SNX2: variants seen among roughly 807,000 people sequenced by gnomAD.
SNX2 encodes sorting nexin-2.
In SNX2, 25 loss-of-function variants were observed where a neutral mutation model predicts 69.9. That is an observed-to-expected ratio of 0.36 (90% CI 0.26 to 0.50). SNX2 has a LOEUF of 0.50. Ranked by LOEUF, SNX2 falls within the 20% of genes least tolerant of loss-of-function variation. SNX2 has a pLI of 0.97. For missense variants in SNX2, 551 were observed against 613.3 expected (o/e 0.90, Z 1.07); for synonymous variants, 229 against 200.4 (o/e 1.14, Z -1.20).
intron 8 of SNX2, 147 bp from the exon 9 acceptor site, chr5:122,816,768 A>C: frequency 2.2e-6 from 1 of 461,886 alleles, no homozygotes; most frequent in Admixed American, 4.0e-5. Context: ...CTCACTATTG[A>C]AATGTATGAG....
Position 122,826,097 on chromosome 5 carries a change from T to G in SNX2, c.1260T>G (p.Ala420=). 6.2e-7 allele frequency: 1 copy of G among 1,613,262 alleles called. No individual in the cohort carries two copies. Among genetic ancestry groups the G allele is most frequent in the Non-Finnish European group, 8.5e-7 (1 of 1,179,410 alleles). Residue 420 remains alanine (A), a synonymous_variant, in exon 12 of 15, where the codon GCT becomes GCG. Coordinates refer to ENST00000379516, the MANE Select transcript of SNX2 (RefSeq NM_003100.4). ...RMKCWQKWED[A]QITLLKKREA... is the part of the protein sequence containing the mutation. The stretch of plus-strand genomic sequence containing the variant: ...AGTGCTGGCAGAAATGGGAAGATGC[T>G]CAAATTACTTTGCTCAAAAAACGTG...
At position 122,780,553 on chromosome 5, in the gene SNX2, C is replaced by A. The variant is rs910717886; in HGVS notation, c.108+5342C>A. Among the ~76,000 whole-genome samples the A allele has an allele frequency of 8.0e-4, 119 of 149,346 alleles. 1 individual carries two copies. Among genetic ancestry groups the A allele is most frequent in the African/African-American group, 2.9e-3 (116 of 40,194 alleles). On this transcript the variant is annotated intron_variant, in intron 1 of 14. Coordinates refer to ENST00000379516, the MANE Select transcript of SNX2 (RefSeq NM_003100.4). ...TAACAGGTAATAAAAGTATATATAA[C>A]TTGTTTTCTTTTCTTTTCTTTTCTT...
chr5:122,799,993 G>A, intron 3 of SNX2, 138 bp downstream of exon 3: 2 of 612,756 alleles, frequency 3.3e-6, no homozygotes, highest in East Asian at 6.2e-5. Context: ...ATTAGTTATG[G>A]GATCTGGCTT....
intron 1 of SNX2, among the ~76,000 whole-genome samples, chr5:122,777,961 T>G (rs1053997057): frequency 6.6e-6 from 1 of 152,248 alleles, no homozygotes; most frequent in Admixed American, 6.5e-5. Flanking sequence ...TATTGTATGT[T>G]AACCCATTTT....
chr5:122,810,254 A>G (rs896801125), intron 7 of SNX2, among the ~76,000 whole-genome samples: 3 of 151,136 alleles, frequency 2.0e-5, no homozygotes, highest in South Asian at 2.1e-4. Context: ...ACCCAGGGAC[A>G]CAAACACTGC....
rs978757080 is a variant in SNX2, at chr5:122,786,367, A to C, written c.109-8899A>C. Among the ~76,000 whole-genome samples the C allele has an allele frequency of 2.0e-5, 3 of 151,902 alleles. No individual in the cohort carries two copies. In the South Asian group the frequency reaches 6.2e-4, roughly 32 times the overall value. ...TTATTGATGTGGCTAGATTAGATCT[A>C]CCGTTTTATTTGCTTACTGTTTTTC... is the stretch of plus-strand genomic sequence containing the variant. On this transcript the variant is annotated intron_variant, in intron 1 of 14. Coordinates refer to ENST00000379516, the MANE Select transcript of SNX2 (RefSeq NM_003100.4).
chr5:122,827,208 C>G (rs898602370), intron 12 of SNX2, 171 bp from the exon 13 acceptor site: 2 of 588,524 alleles, frequency 3.4e-6, no homozygotes, highest in Admixed American at 6.5e-5. Context: ...AGCTAACATG[C>G]ATTTCTATTG....
intron 1 of SNX2, chr5:122,775,693 C>G: frequency 1.0e-6 from 1 of 985,918 alleles, no homozygotes; most frequent in Middle Eastern, 5.2e-4. Context: ...GTGCACTTTC[C>G]CAGGAATGGC....
chr5:122,808,153 C>T, intron 6 of SNX2, 124 bp from the exon 7 acceptor site: 2 of 546,710 alleles, frequency 3.7e-6, no homozygotes, highest in South Asian at 3.2e-5. Context: ...AGATAAGATA[C>T]CAGTTACAAG....
intron 1 of SNX2, among the ~76,000 whole-genome samples, chr5:122,777,890 A>C (rs1159540368): frequency 1.3e-5 from 2 of 152,310 alleles, no homozygotes; most frequent in East Asian, 3.9e-4. Flanking sequence ...ATAAATTGTT[A>C]ATTTTAGTCA....
chr5:122,817,134 G>T, intron 9 of SNX2, 106 bp downstream of exon 9: 1 of 1,129,044 alleles, frequency 8.9e-7, no homozygotes, highest in South Asian at 1.3e-5. Flanking sequence ...TGCTTATTGA[G>T]TTTAGTTCTC....
At position 122,808,260 on chromosome 5, in the gene SNX2, A is replaced by C. The variant is rs752792917; in HGVS notation, c.644-17A>C. 8 of 1,530,204 alleles carry C rather than the reference A, an allele frequency of 5.2e-6. No individual in the cohort carries two copies. In the African/African-American group the frequency reaches 6.9e-5, roughly 13 times the overall value. 94.8% of individuals were successfully genotyped at this position (1,530,204 alleles called of 1,614,324 possible). On this transcript the variant is annotated splice_polypyrimidine_tract_variant and intron_variant, in intron 6 of 14. Transcript: ENST00000379516. Reference sequence around the variant, plus strand: ...GCAATATAAAGTCATCATGAATCTCATTCAACTTCTTCAAAGGGATGACCA... The same window carrying C: ...GCAATATAAAGTCATCATGAATCTCCTTCAACTTCTTCAAAGGGATGACCA...
chr5:122,806,142 G>GCGCACGCACACACACACACACACACACA lies in SNX2; in HGVS notation c.644-2134_644-2133insGCACGCACACACACACACACACACACAC. 2.5e-3 allele frequency among the ~76,000 whole-genome samples: 327 copies of GCGCACGCACACACACACACACACACACA among 130,612 alleles called. 1 individual carries two copies. The highest frequency in any genetic ancestry group is 4.2e-3 in the Admixed American group (55 of 13,110). 85.7% of individuals were successfully genotyped at this position (130,612 alleles called of 152,430 possible). A position where few individuals can be genotyped will look rare whatever the true frequency, so the allele number is the denominator to read the frequency against. ...TGTGTATATATATACACACGCGCGC[G>GCGCACGCACACACACACACACACACACA]CACACACACACACACACACACACAC... On this transcript the variant is annotated intron_variant, in intron 6 of 14. Transcript: ENST00000379516.
intron 8 of SNX2, among the ~76,000 whole-genome samples, chr5:122,816,259 T>G (rs547994035): frequency 7.2e-5 from 11 of 152,066 alleles, no homozygotes; most frequent in African/African-American, 2.4e-4. Flanking sequence ...TCAGGCATCA[T>G]GTTGAAATAA....
Position 122,803,519 on chromosome 5 carries a change from A to AT in SNX2, c.551dup (p.Ser185GlnfsTer39). 1 of 1,612,794 alleles carries AT rather than the reference A, an allele frequency of 6.2e-7. No homozygotes were observed. The highest frequency in any genetic ancestry group is 1.1e-5 in the South Asian group (1 of 90,726). Reference sequence around the variant, plus strand: ...AGAGTGAATTTTCAGTGAAAAGAAGATTCAGCGACTTTCTTGGTTTGCACA... The same window carrying AT: ...AGAGTGAATTTTCAGTGAAAAGAAGATTTCAGCGACTTTCTTGGTTTGCACA... On this transcript the variant is annotated frameshift_variant, in exon 6 of 15. Coordinates refer to ENST00000379516, the MANE Select transcript of SNX2 (RefSeq NM_003100.4). LOFTEE classifies it high-confidence loss of function.
chr5:122,826,916 A>G (rs1467037739), intron 12 of SNX2, among the ~76,000 whole-genome samples: 1 of 152,012 alleles, frequency 6.6e-6, no homozygotes, highest in African/African-American at 2.4e-5. Flanking sequence ...AATGTTTATC[A>G]TGTAATTTTC....
At position 122,782,324 on chromosome 5, in the gene SNX2, C is replaced by T. The variant is rs773643376; in HGVS notation, c.108+7113C>T. The stretch of plus-strand genomic sequence containing the variant: ...TGTGATCTCGGTTCACTGCAACCTC[C>T]ACCTCCCGGGTTCAAAAGATTCTCC... On this transcript the variant is annotated intron_variant, in intron 1 of 14. Coordinates refer to ENST00000379516, the MANE Select transcript of SNX2 (RefSeq NM_003100.4). 2.1e-4 allele frequency among the ~76,000 whole-genome samples: 32 copies of T among 151,716 alleles called. 1 individual carries two copies. The highest frequency in any genetic ancestry group is 2.1e-4 in the Non-Finnish European group (14 of 67,888).
chr5:122,819,999 C>A (rs898485252), intron 11 of SNX2, among the ~76,000 whole-genome samples: 1 of 152,040 alleles, frequency 6.6e-6, no homozygotes, highest in African/African-American at 2.4e-5. Flanking sequence ...TTTAAATGTT[C>A]CTAATGCTGT....
chr5:122,824,435 G>T (rs760125658), intron 11 of SNX2, among the ~76,000 whole-genome samples: 2 of 152,030 alleles, frequency 1.3e-5, no homozygotes, highest in African/African-American at 4.8e-5. Context: ...GGATGTTTTA[G>T]GAAAAACGTG....
Sources: gnomAD v4.1 joint callset for allele counts (sites outside exome capture counted in the v4.1 genomes callset) on GRCh38, gnomAD v4.1.1 for gene constraint, MANE v1.5 for transcripts, NCBI Gene and HGNC (gene_info 2026-07-23, HGNC 2026-07-21) for gene names.